Variants in ASGR2 observed in about 807,000 individuals in gnomAD.
ASGR2 encodes the protein C-type lectin domain family 4 member H2.
A neutral mutation model predicts 32.3 loss-of-function variants in ASGR2; 34 were observed. The observed-to-expected ratio is 1.05, with a 90% confidence interval of 0.80 to 1.40. The LOEUF is 1.40. Among genes scored for constraint, ASGR2 ranks in the 40% most tolerant of loss-of-function variants. The pLI is 0.00. For synonymous variants in ASGR2, 143 were observed against 150.0 expected, an observed-to-expected ratio of 0.95 and a Z score of 0.34; for missense variants, 385 against 386.4, an observed-to-expected ratio of 1.00 and a Z score of 0.03.
At chr17:7,106,933 C>G in intron 7 of ASGR2, 67 bp downstream of exon 7, 1 of 1,568,166 alleles carries the variant, frequency 6.4e-7, no homozygotes, top group East Asian at 2.2e-5. Context: ...ATAAAATAAG[C>G]CTGATCCAGC....
chr17:7,111,321 C>A (rs982848893), intron 2 of ASGR2, among the ~76,000 whole-genome samples: 1 of 152,112 alleles, frequency 6.6e-6, no homozygotes, highest in Non-Finnish European at 1.5e-5. Context: ...TTAAGAGTCC[C>A]CAGGTGAACT....
At chr17:7,106,875 G>A in intron 7 of ASGR2, 125 bp downstream of exon 7, 1 of 1,311,634 alleles carries the variant, frequency 7.6e-7, no homozygotes, top group East Asian at 2.5e-5. Flanking sequence ...CTGCACTCCA[G>A]CTTGGGCGAC....
rs530556565 is a variant in ASGR2, at chr17:7,109,006, G to T, written c.125-118C>A. ...GCGGGGGGATTGGTTGGGGCCATGG[G>T]GGGGGGTCATCATAGGCTTTGACCC... is the stretch of plus-strand genomic sequence containing the variant. On this transcript the variant is annotated intron_variant, in intron 2 of 8. Transcript: ENST00000691900. 61 of 944,002 alleles carry T rather than the reference G, an allele frequency of 6.5e-5. 1 individual carries two copies. The highest frequency in any genetic ancestry group is 3.9e-4 in the South Asian group (24 of 62,188). 58.5% of individuals were successfully genotyped at this position (944,002 alleles called of 1,614,324 possible). A position where few individuals can be genotyped will look rare whatever the true frequency, so the allele number is the denominator to read the frequency against.
intron 7 of ASGR2, among the ~76,000 whole-genome samples, chr17:7,104,592 A>G (rs1231281680): frequency 6.6e-6 from 1 of 152,062 alleles, no homozygotes; most frequent in Non-Finnish European, 1.5e-5. Flanking sequence ...CAGAGCTTGC[A>G]ATGAGTCGAG....
chr17:7,114,284 G>A lies in ASGR2; in HGVS notation c.-44C>T. 8 of 1,609,030 alleles carry A rather than the reference G, an allele frequency of 5.0e-6. No individual in the cohort carries two copies. Among genetic ancestry groups the A allele is most frequent in the Non-Finnish European group, 6.8e-6 (8 of 1,178,452 alleles). ...GCTGGAGCTGGAGCTGGGCTGGGCT[G>A]GGCTGAGGTTGCTCTGAGGGCTGGG... is the stretch of plus-strand genomic sequence containing the variant. On this transcript the variant is annotated 5_prime_UTR_variant, in exon 2 of 9. Coordinates refer to ENST00000691900, the MANE Select transcript of ASGR2 (RefSeq NM_001201352.2). The surrounding 1 kb of genome is among the most constrained non-coding windows in gnomAD (Gnocchi z 4.5).
In ASGR2 at chr17:7,108,618, T is replaced by C; in HGVS notation, c.242-61A>G. ...GGGGCCGTGTCCCCATCACTGTCCA[T>C]GTGACTGGCCCCTCAATGTCCCCGC... On this transcript the variant is annotated intron_variant, in intron 3 of 8. Transcript: ENST00000691900. The surrounding 1 kb of genome is among the most constrained non-coding windows in gnomAD (Gnocchi z 4.9). 2 of 1,601,658 alleles carry C rather than the reference T, an allele frequency of 1.2e-6. No individual in the cohort carries two copies. The highest frequency in any genetic ancestry group is 1.7e-6 in the Non-Finnish European group (2 of 1,172,164).
intron 7 of ASGR2, among the ~76,000 whole-genome samples, chr17:7,104,885 A>G (rs968792739): frequency 2.0e-5 from 3 of 150,716 alleles, no homozygotes; most frequent in African/African-American, 7.3e-5. Flanking sequence ...CTAAGACAGG[A>G]GAATTGCTTG....
chr17:7,109,003 T>TGG (rs147076472), intron 2 of ASGR2, 115 bp from the exon 3 acceptor site: 4,122 of 364,052 alleles, frequency 0.011, 166 homozygotes, highest in African/African-American at 0.093. Context: ...GTTGGGGCCA[T>TGG]GGGGGGGGGT....
Position 7,107,569 on chromosome 17 carries a change from T to C in ASGR2, c.410-252A>G. On this transcript the variant is annotated intron_variant, in intron 5 of 8. Transcript: ENST00000691900. This position sits in a 1 kb window ranked among gnomAD's most constrained non-coding sequence, Gnocchi z 5.0. ...CACATGCGTACACACACATATACCA[T>C]ACCGCACACACACAGACTCATCTCA... 1.6e-6 allele frequency: 1 copy of C among 621,448 alleles called. No homozygotes were observed. Among genetic ancestry groups the C allele is most frequent in the Non-Finnish European group, 2.8e-6 (1 of 350,936 alleles). The allele number at this position is 621,448 out of a possible 1,614,324, so 38.5% of individuals were successfully genotyped here.
In ASGR2 at chr17:7,107,978, C is replaced by T. The variant is rs1280920749; in HGVS notation, c.338-71G>A. On this transcript the variant is annotated intron_variant, in intron 4 of 8. Coordinates refer to ENST00000691900, the MANE Select transcript of ASGR2 (RefSeq NM_001201352.2). The surrounding 1 kb of genome is among the most constrained non-coding windows in gnomAD (Gnocchi z 5.0). Reference sequence around the variant, plus strand: ...CCTCATGCTGCTGGGGGACCGGGGGCCAGCGCCTCGTCCTGGGCGATGCAG... The same window carrying T: ...CCTCATGCTGCTGGGGGACCGGGGGTCAGCGCCTCGTCCTGGGCGATGCAG... 3 of 1,571,808 alleles carry T rather than the reference C, an allele frequency of 1.9e-6. No homozygotes were observed. The highest frequency in any genetic ancestry group is 4.6e-5 in the East Asian group (2 of 43,880).
chr17:7,114,779 C>T lies in ASGR2; in HGVS notation c.-235G>A. 1.0e-6 allele frequency: 1 copy of T among 991,120 alleles called. No individual in the cohort carries two copies. The highest frequency in any genetic ancestry group is 1.2e-6 in the Non-Finnish European group (1 of 833,350). The allele number at this position is 991,120 out of a possible 1,614,324, so 61.4% of individuals were successfully genotyped here. Reference sequence around the variant, plus strand: ...GGCCTGCACTGGAGGGTCTGAGTGTCCAAGCTCTAACCTGGCACCTCCTGG... The same window carrying T: ...GGCCTGCACTGGAGGGTCTGAGTGTTCAAGCTCTAACCTGGCACCTCCTGG... On this transcript the variant is annotated 5_prime_UTR_variant, in exon 1 of 9. Coordinates refer to ENST00000691900, the MANE Select transcript of ASGR2 (RefSeq NM_001201352.2). The surrounding 1 kb of genome is among the most constrained non-coding windows in gnomAD (Gnocchi z 4.5).
At chr17:7,105,658 G>A (rs983858418) in intron 7 of ASGR2, among the ~76,000 whole-genome samples, 1 of 152,086 alleles carries the variant, frequency 6.6e-6, no homozygotes, top group Non-Finnish European at 1.5e-5. Context: ...CAACCTGGGC[G>A]ATAGAGCCAG....
intron 2 of ASGR2, among the ~76,000 whole-genome samples, chr17:7,111,459 A>G (rs1213139609): frequency 2.0e-5 from 3 of 152,238 alleles, no homozygotes; most frequent in East Asian, 3.9e-4. Context: ...GATCGACACC[A>G]TCCTGGCTAA....
intron 2 of ASGR2, 119 bp from the exon 3 acceptor site, chr17:7,109,007 G>C (rs998657871): frequency 1.3e-5 from 12 of 932,838 alleles, no homozygotes; most frequent in South Asian, 4.8e-5. Flanking sequence ...GGGCCATGGG[G>C]GGGGGTCATC....
intron 7 of ASGR2, 26 bp from the exon 8 acceptor site, chr17:7,102,222 T>A (rs754425124): frequency 1.3e-6 from 2 of 1,588,896 alleles, no homozygotes; most frequent in South Asian, 2.2e-5. Flanking sequence ...AACAGGAAAT[T>A]TCTAGTCTCT....
rs1308271749 is a variant in ASGR2 at position 7,108,988 on chromosome 17, G to C, written c.125-100C>G. 1.4e-6 allele frequency: 1 copy of C among 740,528 alleles called. No individual in the cohort carries two copies. The highest frequency in any genetic ancestry group is 4.3e-5 in the East Asian group (1 of 23,112). 45.9% of individuals were successfully genotyped at this position (740,528 alleles called of 1,614,324 possible). On this transcript the variant is annotated intron_variant, in intron 2 of 8. Transcript: ENST00000691900. This position sits in a 1 kb window ranked among gnomAD's most constrained non-coding sequence, Gnocchi z 4.9. ...TGAGGAGGCATAACCTGGGCGGGGG[G>C]ATTGGTTGGGGCCATGGGGGGGGGT...
chr17:7,108,998 G>A lies in ASGR2; in HGVS notation c.125-110C>T. 4.0e-6 allele frequency: 3 copies of A among 744,938 alleles called. No homozygotes were observed. The highest frequency in any genetic ancestry group is 6.1e-6 in the Non-Finnish European group (3 of 491,704). The allele number at this position is 744,938 out of a possible 1,614,324, so 46.1% of individuals were successfully genotyped here. A position where few individuals can be genotyped will look rare whatever the true frequency, so the allele number is the denominator to read the frequency against. On this transcript the variant is annotated intron_variant, in intron 2 of 8. Transcript: ENST00000691900. The surrounding 1 kb of genome is among the most constrained non-coding windows in gnomAD (Gnocchi z 4.9). Reference sequence around the variant, plus strand: ...TAACCTGGGCGGGGGGATTGGTTGGGGCCATGGGGGGGGGTCATCATAGGC... The same window carrying A: ...TAACCTGGGCGGGGGGATTGGTTGGAGCCATGGGGGGGGGTCATCATAGGC...
At chr17:7,109,904 G>C (rs1162394338) in intron 2 of ASGR2, among the ~76,000 whole-genome samples, 1 of 152,000 alleles carries the variant, frequency 6.6e-6, no homozygotes, top group Non-Finnish European at 1.5e-5. Flanking sequence ...CTCCCTCTCT[G>C]CTGCCTCCAG....
At chr17:7,104,074 TGTG>T (rs889171833) in intron 7 of ASGR2, among the ~76,000 whole-genome samples, 5 of 145,630 alleles carry the variant, frequency 3.4e-5, no homozygotes, top group African/African-American at 1.3e-4. Flanking sequence ...AAAGCCCAGG[TGTG>T]GTGGCTCACG....
Sources: allele counts gnomAD v4.1 joint callset (sites outside exome capture counted in the v4.1 genomes callset), GRCh38; gene constraint gnomAD v4.1.1; non-coding constraint Gnocchi (gnomAD v3.1); transcripts MANE v1.5; gene names NCBI Gene and HGNC (gene_info 2026-07-23, HGNC 2026-07-21).